Variants in HIPK2 observed in about 807,000 individuals in gnomAD.
The protein encoded by HIPK2 is homeodomain interacting protein kinase 2, also known as homeodomain-interacting protein kinase 2.
Under a neutral mutation model 113.7 loss-of-function variants are expected in HIPK2, and 27 were observed. That is an observed-to-expected ratio of 0.24 (90% CI 0.17 to 0.33). The LOEUF is 0.33. HIPK2 is among the 10% of genes least tolerant of loss of function. HIPK2 has a pLI of 1.00. For missense variants in HIPK2, 1,257 were observed against 1,588.0 expected, an observed-to-expected ratio of 0.79 and a Z score of 3.54; for synonymous variants, 631 against 642.2, an observed-to-expected ratio of 0.98 and a Z score of 0.26.
intron 2 of HIPK2, among the ~76,000 whole-genome samples, chr7:139,675,309 G>C (rs979312995): frequency 6.6e-6 from 1 of 151,636 alleles, no homozygotes; most frequent in Non-Finnish European, 1.5e-5. Flanking sequence ...CACAGTCACT[G>C]ACCTTCAGGG....
At chr7:139,573,924 G>A (rs1430358890) in intron 14 of HIPK2, among the ~76,000 whole-genome samples, 1 of 152,026 alleles carries the variant, frequency 6.6e-6, no homozygotes, top group African/African-American at 2.4e-5. Flanking sequence ...GATGATACAC[G>A]GATAAAGCCA....
chr7:139,583,114 G>T (rs1451185097), intron 13 of HIPK2, among the ~76,000 whole-genome samples: 3 of 152,244 alleles, frequency 2.0e-5, no homozygotes, highest in African/African-American at 7.2e-5. Flanking sequence ...AGCGGGACGC[G>T]CAGACTTCTT....
At chr7:139,685,002 GA>G (rs1348855602) in intron 2 of HIPK2, among the ~76,000 whole-genome samples, 2 of 152,142 alleles carry the variant, frequency 1.3e-5, no homozygotes, top group East Asian at 1.9e-4. Context: ...GGAAATTGTA[GA>G]AAAAAAGTTT....
At chr7:139,695,586 C>T (rs1317783073) in intron 2 of HIPK2, among the ~76,000 whole-genome samples, 1 of 152,134 alleles carries the variant, frequency 6.6e-6, no homozygotes, top group Non-Finnish European at 1.5e-5. Context: ...AGAATCAGAA[C>T]AAATCAGAAC....
intron 7 of HIPK2, among the ~76,000 whole-genome samples, chr7:139,617,039 G>A (rs1332307343): frequency 6.6e-6 from 1 of 152,172 alleles, no homozygotes; most frequent in Non-Finnish European, 1.5e-5. Context: ...ACATGCATAA[G>A]GTTTTCCCCT....
chr7:139,692,657 C>G (rs555084335), intron 2 of HIPK2, among the ~76,000 whole-genome samples: 1 of 152,146 alleles, frequency 6.6e-6, no homozygotes, highest in Non-Finnish European at 1.5e-5. Flanking sequence ...ACCAAAAAGT[C>G]ACAGTAGGCA....
Position 139,634,681 on chromosome 7 carries a change from T to TTTTTTTG in HIPK2, c.1104-2957_1104-2956insCAAAAAA, listed in dbSNP as rs1287155877. 2.0e-4 allele frequency among the ~76,000 whole-genome samples: 28 copies of TTTTTTTG among 142,984 alleles called. 1 individual carries two copies. The highest frequency in any genetic ancestry group is 7.7e-4 in the African/African-American group (27 of 35,088). The allele number at this position is 142,984 out of a possible 152,430, so 93.8% of individuals were successfully genotyped here. On this transcript the variant is annotated intron_variant, in intron 2 of 14. Transcript: ENST00000406875. ...AGGGACTATCTGTTTCAGGTTTTTT[T>TTTTTTTG]TTTTTTTTTTTTTTGAGACAGAGTC...
intron 2 of HIPK2, among the ~76,000 whole-genome samples, chr7:139,657,616 T>G (rs757997202): frequency 9.9e-5 from 15 of 152,240 alleles, no homozygotes; most frequent in Non-Finnish European, 1.8e-4. Context: ...ATGTTCAGTT[T>G]CAGTTCTTCC....
chr7:139,698,761 T>A (rs1419975871), intron 2 of HIPK2, among the ~76,000 whole-genome samples: 5 of 152,132 alleles, frequency 3.3e-5, no homozygotes, highest in Admixed American at 2.6e-4. Flanking sequence ...CACCATCAAG[T>A]ACAGGGAATA....
intron 13 of HIPK2, among the ~76,000 whole-genome samples, chr7:139,576,582 A>AT (rs1798499252): frequency 6.6e-6 from 1 of 152,120 alleles, no homozygotes; most frequent in Non-Finnish European, 1.5e-5. Context: ...TCATCCAAGT[A>AT]TTTTCTGAGC....
intron 9 of HIPK2, among the ~76,000 whole-genome samples, chr7:139,607,676 AT>A (rs1464432543): frequency 6.6e-6 from 1 of 152,170 alleles, no homozygotes; most frequent in African/African-American, 2.4e-5. Context: ...ATAATATTAT[AT>A]AATATTGATA....
In HIPK2 at chr7:139,569,221, AC is replaced by A. The variant is rs1357169227; in HGVS notation, c.*3705del. The A allele has an allele frequency of 6.6e-6, 1 of 152,092 alleles. No individual in the cohort carries two copies. Among genetic ancestry groups the A allele is most frequent in the African/African-American group, 2.4e-5 (1 of 41,366 alleles). 9.4% of individuals were successfully genotyped at this position (152,092 alleles called of 1,614,324 possible). A position where few individuals can be genotyped will look rare whatever the true frequency, so the allele number is the denominator to read the frequency against. ...ACAGGGGGAGGGGGCAGGCTGAGGAACTGGGTGGTGTGGTGAAATTTCCTGG... is the reference window on the plus strand; with the variant it reads ...ACAGGGGGAGGGGGCAGGCTGAGGAATGGGTGGTGTGGTGAAATTTCCTGG... On this transcript the variant is annotated 3_prime_UTR_variant, in exon 15 of 15. Transcript: ENST00000406875.
intron 2 of HIPK2, among the ~76,000 whole-genome samples, chr7:139,650,847 C>T (rs1188425101): frequency 1.4e-4 from 21 of 152,234 alleles, no homozygotes; most frequent in Admixed American, 1.4e-3. Context: ...GGTGACCCAC[C>T]TGGGAAGAAC....
intron 2 of HIPK2, among the ~76,000 whole-genome samples, chr7:139,632,004 T>C (rs760029271): frequency 6.6e-6 from 1 of 152,220 alleles, no homozygotes; most frequent in Non-Finnish European, 1.5e-5. Flanking sequence ...CTTCATTACC[T>C]TCACACGCCA....
chr7:139,702,424 G>A (rs986325370), intron 2 of HIPK2, among the ~76,000 whole-genome samples: 1 of 152,180 alleles, frequency 6.6e-6, no homozygotes, highest in Non-Finnish European at 1.5e-5. Context: ...ATCCCGGGTC[G>A]AGCTGCTGGG....
chr7:139,710,947 G>A (rs1376550054), intron 2 of HIPK2, among the ~76,000 whole-genome samples: 2 of 151,580 alleles, frequency 1.3e-5, no homozygotes, highest in Non-Finnish European at 2.9e-5. Context: ...TAAGTTTCCT[G>A]AGGCCTCCCA....
intron 6 of HIPK2, among the ~76,000 whole-genome samples, chr7:139,624,049 G>T (rs1484977081): frequency 2.0e-5 from 3 of 148,662 alleles, no homozygotes; most frequent in African/African-American, 5.0e-5. Context: ...TTTTGACGGA[G>T]TCTCGCTCTG....
At position 139,683,516 on chromosome 7, in the gene HIPK2, G is replaced by C. The variant is rs560091422; in HGVS notation, c.1103+32416C>G. Among the ~76,000 whole-genome samples, 1 of 151,940 alleles carries C rather than the reference G, an allele frequency of 6.6e-6. No individual in the cohort carries two copies. Among genetic ancestry groups the C allele is most frequent in the Admixed American group, 6.5e-5 (1 of 15,280 alleles). On this transcript the variant is annotated intron_variant, in intron 2 of 14. Transcript: ENST00000406875. This position sits in a 1 kb window ranked among gnomAD's most constrained non-coding sequence, Gnocchi z 4.2. ...AGAAATACCAGAGAGAGAGACACAC[G>C]CATACCAAGACAGAAGCTGCAGAAC... is the stretch of plus-strand genomic sequence containing the variant.
intron 9 of HIPK2, among the ~76,000 whole-genome samples, chr7:139,612,282 G>C (rs1457166729): frequency 6.6e-6 from 1 of 152,050 alleles, no homozygotes; most frequent in Admixed American, 6.6e-5. Flanking sequence ...AGTGTCTTTG[G>C]GAAAAGCCTT....
Sources: gnomAD v4.1 joint callset for allele counts (sites outside exome capture counted in the v4.1 genomes callset) on GRCh38, gnomAD v4.1.1 for gene constraint, Gnocchi (gnomAD v3.1) non-coding constraint, MANE v1.5 for transcripts, NCBI Gene and HGNC (gene_info 2026-07-23, HGNC 2026-07-21) for gene names.